Variants in GSK3B observed in about 807,000 individuals in gnomAD.
GSK3B encodes glycogen synthase kinase-3 beta.
GSK3B carries 15 observed loss-of-function variants against 56.4 expected under a neutral mutation model. The ratio of observed to expected loss-of-function variants is 0.27; its 90% CI spans 0.18 to 0.41. GSK3B has a LOEUF of 0.41. GSK3B is among the 10% of genes least tolerant of loss of function. GSK3B has a pLI of 1.00. For synonymous variants in GSK3B, 181 were observed against 188.9 expected (o/e 0.96, Z 0.34); for missense variants, 300 against 513.4 (o/e 0.58, Z 4.02).
At chr3:120,016,621 T>C (rs1033339975) in intron 1 of GSK3B, among the ~76,000 whole-genome samples, 3 of 152,196 alleles carry the variant, frequency 2.0e-5, no homozygotes, top group African/African-American at 4.8e-5. Context: ...TTACAAAAGG[T>C]GCTGAGGCCA....
intron 9 of GSK3B, among the ~76,000 whole-genome samples, chr3:119,844,489 A>G (rs1456534669): frequency 3.3e-5 from 5 of 152,202 alleles, no homozygotes; most frequent in African/African-American, 1.2e-4. Context: ...AAAAAATGAT[A>G]AAGGGGAGAT....
intron 1 of GSK3B, among the ~76,000 whole-genome samples, chr3:120,059,359 G>A (rs976553233): frequency 2.0e-5 from 3 of 152,016 alleles, no homozygotes; most frequent in African/African-American, 7.2e-5. Context: ...GCATATAGTC[G>A]GTCTCAAGTG....
intron 1 of GSK3B, among the ~76,000 whole-genome samples, chr3:120,021,745 T>C (rs138526090): frequency 3.8e-4 from 58 of 152,308 alleles, no homozygotes; most frequent in African/African-American, 1.3e-3. Flanking sequence ...TTCTTATGAA[T>C]GAGCAAAGAA....
intron 2 of GSK3B, among the ~76,000 whole-genome samples, chr3:119,991,323 C>G (rs2057562475): frequency 6.6e-6 from 1 of 152,062 alleles, no homozygotes; most frequent in East Asian, 1.9e-4. Flanking sequence ...AGTTTAAGTA[C>G]TCTGTCACAG....
At chr3:119,992,159 G>A (rs1373319332) in intron 2 of GSK3B, among the ~76,000 whole-genome samples, 1 of 151,704 alleles carries the variant, frequency 6.6e-6, no homozygotes, top group Non-Finnish European at 1.5e-5. Flanking sequence ...AAATAGGTAG[G>A]AAAACACCAA....
At position 120,064,551 on chromosome 3, in the gene GSK3B, T is replaced by C. The variant is rs552882793; in HGVS notation, c.88+28796A>G. ...TGAAAAGAAATCCTGTGTTCATGGA[T>C]AGGAAGACATAATACTGTCAAGATG... On this transcript the variant is annotated intron_variant, in intron 1 of 10. Transcript: ENST00000264235. Among the ~76,000 whole-genome samples, 68 of 152,274 alleles carry C rather than the reference T, an allele frequency of 4.5e-4. 2 individuals carry two copies. Among genetic ancestry groups the C allele is most frequent in the Admixed American group, 3.5e-3 (53 of 15,294 alleles).
At chr3:119,977,033 A>T (rs1053839754) in intron 2 of GSK3B, among the ~76,000 whole-genome samples, 2 of 152,176 alleles carry the variant, frequency 1.3e-5, no homozygotes, top group South Asian at 2.1e-4. Flanking sequence ...ACAAATATCA[A>T]ATATCGTGCC....
At chr3:119,853,055 C>T (rs533982861) in intron 9 of GSK3B, among the ~76,000 whole-genome samples, 6 of 152,212 alleles carry the variant, frequency 3.9e-5, no homozygotes, top group South Asian at 2.1e-4. Flanking sequence ...TCATGGTTTT[C>T]GGTCTAACAT....
intron 4 of GSK3B, 147 bp from the exon 5 acceptor site, chr3:119,916,321 G>A: frequency 1.6e-6 from 1 of 615,110 alleles, no homozygotes. Flanking sequence ...CACAAGTTTT[G>A]TGTCACTTCT....
intron 7 of GSK3B, among the ~76,000 whole-genome samples, chr3:119,889,741 T>G (rs1410451694): frequency 6.6e-6 from 1 of 152,098 alleles, no homozygotes; most frequent in Non-Finnish European, 1.5e-5. Context: ...GTACTTCAAT[T>G]ACAAAGGCAG....
intron 2 of GSK3B, among the ~76,000 whole-genome samples, chr3:119,967,822 CTCTCTT>C (rs1367344718): frequency 1.4e-4 from 14 of 101,224 alleles, no homozygotes; most frequent in African/African-American, 5.1e-4. Context: ...CCCTCCCTTT[CTCTCTT>C]TCTCTTTCTC....
chr3:119,993,145 G>GAAAA (rs57361961), intron 2 of GSK3B, among the ~76,000 whole-genome samples: 1 of 131,128 alleles, frequency 7.6e-6, no homozygotes, highest in Non-Finnish European at 1.7e-5. Context: ...GTGTAAGGAA[G>GAAAA]AAAAAAAAAA....
At chr3:119,981,597 G>A (rs1001552746) in intron 2 of GSK3B, among the ~76,000 whole-genome samples, 20 of 152,252 alleles carry the variant, frequency 1.3e-4, no homozygotes, top group African/African-American at 4.3e-4. Context: ...CACTGCTAGC[G>A]CAGTAGTCTG....
intron 7 of GSK3B, among the ~76,000 whole-genome samples, chr3:119,885,248 C>CAAATAAAATAAAATAAAATA (rs57760854): frequency 0.013 from 1,931 of 143,880 alleles, 24 homozygotes; most frequent in African/African-American, 0.022. Flanking sequence ...ACAATAGCCA[C>CAAATAAAATAAAATAAAATA]AAATAAAATA....
Position 119,903,868 on chromosome 3 carries a change from A to G in GSK3B, c.813+1887T>C, listed in dbSNP as rs189102541. 6.4e-3 allele frequency among the ~76,000 whole-genome samples: 970 copies of G among 152,310 alleles called. 10 individuals are homozygous for G. Among genetic ancestry groups the G allele is most frequent in the Admixed American group, 0.01 (153 of 15,294 alleles). On this transcript the variant is annotated intron_variant, in intron 7 of 10. Transcript: ENST00000264235. ...ATGGTGAGCTCAAGTACGTCAAATAAAAGCCTAGGGACAGGAGAAATGCTG... is the reference window on the plus strand; with the variant it reads ...ATGGTGAGCTCAAGTACGTCAAATAGAAGCCTAGGGACAGGAGAAATGCTG...
At chr3:120,059,854 T>C (rs1307566955) in intron 1 of GSK3B, among the ~76,000 whole-genome samples, 1 of 152,224 alleles carries the variant, frequency 6.6e-6, no homozygotes, top group Non-Finnish European at 1.5e-5. Context: ...CTAGCCATAC[T>C]ACAAAACAGC....
chr3:119,827,009 G>C (rs2055521255), intron 10 of GSK3B, among the ~76,000 whole-genome samples, 154 bp from the exon 11 acceptor site: 1 of 152,192 alleles, frequency 6.6e-6, no homozygotes, highest in Non-Finnish European at 1.5e-5. Context: ...TATGAAATCT[G>C]AATTTCTCTA....
intron 10 of GSK3B, among the ~76,000 whole-genome samples, chr3:119,839,562 T>C (rs1209498279): frequency 1.3e-5 from 2 of 152,212 alleles, no homozygotes; most frequent in Non-Finnish European, 2.9e-5. Flanking sequence ...ATTGCAATGA[T>C]GCTGAGCAAC....
intron 5 of GSK3B, 106 bp from the exon 6 acceptor site, chr3:119,912,916 A>T (rs2056749501): frequency 4.0e-6 from 2 of 494,124 alleles, no homozygotes; most frequent in South Asian, 9.3e-5. Flanking sequence ...TATAAGATTC[A>T]CATCATTTGA....
Sources: allele counts gnomAD v4.1 joint callset (sites outside exome capture counted in the v4.1 genomes callset), GRCh38; gene constraint gnomAD v4.1.1; transcripts MANE v1.5; gene names NCBI Gene and HGNC (gene_info 2026-07-23, HGNC 2026-07-21).